The following PAX2 variants were observed in gnomAD, a reference collection of about 807,000 sequenced individuals.
PAX2 encodes paired box 2.
Under a neutral mutation model 41.7 loss-of-function variants are expected in PAX2, and 9 were observed. The observed-to-expected ratio is 0.22, with a 90% confidence interval of 0.13 to 0.38. The LOEUF is 0.38. Ranked by LOEUF, PAX2 falls within the 10% of genes least tolerant of loss-of-function variation. The pLI, the probability that PAX2 is intolerant of heterozygous loss-of-function variation, is 1.00. For missense variants in PAX2, 418 were observed against 531.6 expected, an observed-to-expected ratio of 0.79 and a Z score of 2.10; for synonymous variants, 221 against 212.7, an observed-to-expected ratio of 1.04 and a Z score of -0.34.
chr10:100,803,458 T>C (rs1328063320), intron 5 of PAX2, among the ~76,000 whole-genome samples: 2 of 151,882 alleles, frequency 1.3e-5, no homozygotes, highest in African/African-American at 4.8e-5. Context: ...CACCCCCTCC[T>C]CTGGAAAGAG....
chr10:100,746,057 C>A lies in PAX2; in HGVS notation c.-204C>A. The A allele has an allele frequency of 6.8e-7, 1 of 1,470,538 alleles. No homozygotes were observed. The highest frequency in any genetic ancestry group is 8.9e-7 in the Non-Finnish European group (1 of 1,119,548). The allele number at this position is 1,470,538 out of a possible 1,614,324, so 91.1% of individuals were successfully genotyped here. Reference sequence around the variant, plus strand: ...CGACAGTGGCAAGTTGCGGCTACTGCAGTTGCAAGCTCCGGCCAACCCGGA... The same window carrying A: ...CGACAGTGGCAAGTTGCGGCTACTGAAGTTGCAAGCTCCGGCCAACCCGGA... On this transcript the variant is annotated 5_prime_UTR_variant, in exon 1 of 10. Transcript: ENST00000355243.
chr10:100,763,912 C>T (rs1389254207), intron 3 of PAX2, among the ~76,000 whole-genome samples: 1 of 152,142 alleles, frequency 6.6e-6, no homozygotes, highest in Non-Finnish European at 1.5e-5. Context: ...CCAGTTTCTT[C>T]ACTCATAAAA....
At chr10:100,736,021 G>A (rs1844770021) in intron 1 of PAX2, among the ~76,000 whole-genome samples, 1 of 152,182 alleles carries the variant, frequency 6.6e-6, no homozygotes, top group Non-Finnish European at 1.5e-5. Flanking sequence ...GGACTTTCTC[G>A]TTCTACTTTG....
At chr10:100,805,037 C>T (rs867204831) in intron 5 of PAX2, among the ~76,000 whole-genome samples, 8 of 124,058 alleles carry the variant, frequency 6.4e-5, no homozygotes, top group African/African-American at 2.4e-4. Flanking sequence ...CACACACACA[C>T]ACACACACAC....
In PAX2 at chr10:100,748,354, G is replaced by C. The variant is rs957959400; in HGVS notation, c.44-1392G>C. 1.0e-6 allele frequency: 1 copy of C among 984,520 alleles called. No individual in the cohort carries two copies. The highest frequency in any genetic ancestry group is 1.2e-6 in the Non-Finnish European group (1 of 829,398). 61.0% of individuals were successfully genotyped at this position (984,520 alleles called of 1,614,324 possible). On this transcript the variant is annotated intron_variant, in intron 1 of 9. Coordinates refer to ENST00000355243, the MANE Select transcript of PAX2 (RefSeq NM_000278.5). The surrounding 1 kb of genome is among the most constrained non-coding windows in gnomAD (Gnocchi z 5.0). The stretch of plus-strand genomic sequence containing the variant: ...CGGGGTGGGCAAGGGGGTAAAAGAA[G>C]GGGCTTCAGTCTCTCCCAGCAACGC...
At chr10:100,762,292 C>G (rs755597759) in intron 3 of PAX2, among the ~76,000 whole-genome samples, 1 of 152,172 alleles carries the variant, frequency 6.6e-6, no homozygotes, top group Admixed American at 6.5e-5. Flanking sequence ...CTGTCCACAC[C>G]GGGGTTTCAC....
chr10:100,750,952 G>C lies in PAX2; in HGVS notation c.410+61G>C. 1 of 1,263,146 alleles carries C rather than the reference G, an allele frequency of 7.9e-7. No homozygotes were observed. The highest frequency in any genetic ancestry group is 1.2e-6 in the Non-Finnish European group (1 of 864,198). 78.2% of individuals were successfully genotyped at this position (1,263,146 alleles called of 1,614,324 possible). A position where few individuals can be genotyped will look rare whatever the true frequency, so the allele number is the denominator to read the frequency against. On this transcript the variant is annotated intron_variant, in intron 3 of 9. Coordinates refer to ENST00000355243, the MANE Select transcript of PAX2 (RefSeq NM_000278.5). The surrounding 1 kb of genome is among the most constrained non-coding windows in gnomAD (Gnocchi z 4.1). ...CAGCTCCTGGCTCCTGCCTGCAGGG[G>C]TGTCCCACGCCCAGTCTCTGCTCTT...
intron 1 of PAX2, among the ~76,000 whole-genome samples, chr10:100,736,596 C>A (rs1047151297): frequency 1.4e-5 from 2 of 138,408 alleles, no homozygotes; most frequent in South Asian, 2.1e-4. Context: ...CTTGCTCCCC[C>A]CTCCCCCAGC....
At position 100,787,255 on chromosome 10, in the gene PAX2, G is replaced by A. The variant is rs567137105; in HGVS notation, c.616+5890G>A. Among the ~76,000 whole-genome samples the A allele has an allele frequency of 1.3e-4, 20 of 151,990 alleles. 1 individual carries two copies. Among genetic ancestry groups the A allele is most frequent in the East Asian group, 3.9e-4 (2 of 5,178 alleles). On this transcript the variant is annotated intron_variant, in intron 5 of 9. Coordinates refer to ENST00000355243, the MANE Select transcript of PAX2 (RefSeq NM_000278.5). ...GGCCTGGAGGGTCAGGCACTCAGTG[G>A]ATGGGGGGTCACTTTTTCTAGCCCT...
chr10:100,784,263 C>T (rs148670912), intron 5 of PAX2, among the ~76,000 whole-genome samples: 2 of 152,344 alleles, frequency 1.3e-5, no homozygotes, highest in Admixed American at 6.5e-5. Flanking sequence ...AAGGCAGCCT[C>T]GGGCATGGGC....
At chr10:100,796,672 G>A (rs1847349965) in intron 5 of PAX2, among the ~76,000 whole-genome samples, 1 of 152,118 alleles carries the variant, frequency 6.6e-6, no homozygotes, top group Non-Finnish European at 1.5e-5. Flanking sequence ...CTTTCCCCCA[G>A]CATGGAGCAT....
chr10:100,802,087 C>T (rs1331860956), intron 5 of PAX2, among the ~76,000 whole-genome samples: 2 of 152,200 alleles, frequency 1.3e-5, no homozygotes, highest in Admixed American at 6.5e-5. Flanking sequence ...AGGCTGAACC[C>T]TCCCTCTATG....
At chr10:100,754,028 G>T (rs1320614107) in intron 3 of PAX2, among the ~76,000 whole-genome samples, 1 of 152,182 alleles carries the variant, frequency 6.6e-6, no homozygotes, top group Non-Finnish European at 1.5e-5. Context: ...GGAGTTGCCA[G>T]CTTTTTGGTT....
chr10:100,810,809 C>T (rs1218310629), intron 7 of PAX2, among the ~76,000 whole-genome samples: 1 of 152,158 alleles, frequency 6.6e-6, no homozygotes, highest in African/African-American at 2.4e-5. Context: ...CACAGGAGAC[C>T]CAGGGGCTGG....
chr10:100,779,307 T>C (rs1042898684), intron 3 of PAX2, among the ~76,000 whole-genome samples, 191 bp from the exon 4 acceptor site: 7 of 152,140 alleles, frequency 4.6e-5, no homozygotes, highest in African/African-American at 1.7e-4. Context: ...CTGCATTACG[T>C]TGGATCTGCG....
At chr10:100,746,325 C>T (rs1845171169) in intron 1 of PAX2, 22 bp downstream of exon 1, 1 of 1,524,060 alleles carries the variant, frequency 6.6e-7, no homozygotes, top group African/African-American at 1.4e-5. Flanking sequence ...CGCCCGGCTC[C>T]TGTCCCGGCT....
At position 100,809,215 on chromosome 10, in the gene PAX2, C is replaced by G. The variant is rs1847906979; in HGVS notation, c.898C>G (p.Gln300Glu). ...PELGSNVSGT[Q>E]TYPVVTGRDM... ...GCTGGGCAGCAACGTGTCAGGCACACAGACATACCCAGTTGTGACTGGTAA... is the reference window on the plus strand; with the variant it reads ...GCTGGGCAGCAACGTGTCAGGCACAGAGACATACCCAGTTGTGACTGGTAA... Residue 300 changes from glutamine (Q) to glutamate (E), a missense_variant, in exon 7 of 10, where the codon CAG (glutamine) becomes GAG (glutamate). Physicochemically the swap from Gln to Glu is conservative, Grantham distance 29. This residue lies in a region of PAX2 where 310 missense variants were observed against 325.2 expected (regional missense o/e 0.95). Coordinates refer to ENST00000355243, the MANE Select transcript of PAX2 (RefSeq NM_000278.5). 1 of 1,613,722 alleles carries G rather than the reference C, an allele frequency of 6.2e-7. No individual in the cohort carries two copies. Among genetic ancestry groups the G allele is most frequent in the Admixed American group, 1.7e-5 (1 of 60,012 alleles).
chr10:100,813,068 G>A (rs1292185755), intron 7 of PAX2, among the ~76,000 whole-genome samples: 1 of 152,252 alleles, frequency 6.6e-6, no homozygotes, highest in East Asian at 1.9e-4. Flanking sequence ...TTTGATGAAA[G>A]TTTACGAATT....
intron 1 of PAX2, among the ~76,000 whole-genome samples, chr10:100,738,997 T>TCG (rs1379497544): frequency 4.1e-4 from 55 of 133,428 alleles, no homozygotes; most frequent in African/African-American, 5.6e-4. Flanking sequence ...GCCTAATCCG[T>TCG]CGCGCGCGCG....
Sources: allele counts gnomAD v4.1 joint callset (sites outside exome capture counted in the v4.1 genomes callset), GRCh38; gene constraint gnomAD v4.1.1; regional missense constraint gnomAD v4.1.1; non-coding constraint Gnocchi (gnomAD v3.1); transcripts MANE v1.5; gene names NCBI Gene and HGNC (gene_info 2026-07-23, HGNC 2026-07-21).